ROBO1: variants seen among roughly 807,000 people sequenced by gnomAD.
ROBO1 encodes roundabout guidance receptor 1, also known as roundabout homolog 1.
In ROBO1, 149 loss-of-function variants were observed where a neutral mutation model predicts 195.9. That is an observed-to-expected ratio of 0.76 (90% confidence interval 0.67 to 0.87). ROBO1 has a LOEUF of 0.87. ROBO1 is among the 40% of genes least tolerant of loss of function. The pLI is 0.00. For missense variants in ROBO1, 1,933 were observed against 2,068.3 expected (o/e 0.93, Z 1.27); for synonymous variants, 816 against 733.2 (o/e 1.11, Z -1.82).
At chr3:79,700,949 A>G (rs1473351855) in intron 1 of ROBO1, among the ~76,000 whole-genome samples, 3 of 151,772 alleles carry the variant, frequency 2.0e-5, no homozygotes, top group Admixed American at 6.6e-5. Flanking sequence ...TAGGATTCTT[A>G]TAGTTAAGAT....
chr3:78,951,646 C>T (rs1016678020), intron 3 of ROBO1, among the ~76,000 whole-genome samples: 1 of 152,138 alleles, frequency 6.6e-6, no homozygotes, highest in Non-Finnish European at 1.5e-5. Flanking sequence ...TCACTTCAGG[C>T]AAGACCAGCA....
chr3:79,088,628 T>A (rs1377364978), intron 3 of ROBO1, among the ~76,000 whole-genome samples: 1 of 152,124 alleles, frequency 6.6e-6, no homozygotes, highest in Non-Finnish European at 1.5e-5. Context: ...AGGATCTTTC[T>A]TTCACCAACA....
chr3:78,693,797 T>C (rs2081228143), intron 8 of ROBO1, among the ~76,000 whole-genome samples: 1 of 152,148 alleles, frequency 6.6e-6, no homozygotes, highest in Non-Finnish European at 1.5e-5. Context: ...CCATCATCAG[T>C]TCAATTTTTG....
chr3:79,297,059 G>C (rs1426629627), intron 2 of ROBO1, among the ~76,000 whole-genome samples: 1 of 152,066 alleles, frequency 6.6e-6, no homozygotes, highest in African/African-American at 2.4e-5. Flanking sequence ...TTGTTTTAAT[G>C]TTTGTTTTTG....
chr3:78,994,618 C>A (rs189283619), intron 3 of ROBO1, among the ~76,000 whole-genome samples: 1 of 152,224 alleles, frequency 6.6e-6, no homozygotes, highest in East Asian at 1.9e-4. Flanking sequence ...TGTAGACCAA[C>A]CTAATTTTCA....
At chr3:79,766,239 A>G (rs887982764) in intron 1 of ROBO1, among the ~76,000 whole-genome samples, 19 of 152,044 alleles carry the variant, frequency 1.2e-4, no homozygotes, top group African/African-American at 4.3e-4. Context: ...ACCATTGACC[A>G]TAATTGCCCT....
chr3:79,023,728 G>C (rs1175283776), intron 3 of ROBO1, among the ~76,000 whole-genome samples: 1 of 109,760 alleles, frequency 9.1e-6, no homozygotes, highest in African/African-American at 3.6e-5. Flanking sequence ...TTTTGAGACA[G>C]AGTCTCACTC....
chr3:79,237,655 C>A (rs2082436617), intron 2 of ROBO1, among the ~76,000 whole-genome samples: 4 of 152,006 alleles, frequency 2.6e-5, no homozygotes, highest in Non-Finnish European at 5.9e-5. Flanking sequence ...CTCCGGCGGT[C>A]ACTCTATCCG....
At chr3:78,999,870 C>G (rs148019228) in intron 3 of ROBO1, among the ~76,000 whole-genome samples, 2 of 152,094 alleles carry the variant, frequency 1.3e-5, no homozygotes, top group Admixed American at 1.3e-4. Context: ...TGGGCAATCA[C>G]GCAAAACACA....
intron 3 of ROBO1, among the ~76,000 whole-genome samples, chr3:78,951,451 A>G (rs1319253118): frequency 6.6e-6 from 1 of 152,132 alleles, no homozygotes; most frequent in Non-Finnish European, 1.5e-5. Context: ...AATTGGCAGA[A>G]CCAACTTCCA....
At chr3:78,933,053 C>T (rs951922449) in intron 4 of ROBO1, among the ~76,000 whole-genome samples, 4 of 152,012 alleles carry the variant, frequency 2.6e-5, no homozygotes, top group Admixed American at 2.0e-4. Context: ...AAAGAAGAAG[C>T]TAACTAAACA....
In ROBO1 at chr3:78,598,350, A is replaced by T. The variant is rs894778268; in HGVS notation, c.*563T>A. On this transcript the variant is annotated 3_prime_UTR_variant, in exon 31 of 31. Transcript: ENST00000464233. ...TTTACAATGTTTCTACCCCATTCGA[A>T]TTGTTTGTGGTTCTGCATTTGCTAT... 1.3e-5 allele frequency: 2 copies of T among 152,468 alleles called. No homozygotes were observed. Among genetic ancestry groups the T allele is most frequent in the African/African-American group, 4.8e-5 (2 of 41,426 alleles). The allele number at this position is 152,468 out of a possible 1,614,324, so 9.4% of individuals were successfully genotyped here. A position where few individuals can be genotyped will look rare whatever the true frequency, so the allele number is the denominator to read the frequency against.
intron 2 of ROBO1, among the ~76,000 whole-genome samples, chr3:79,218,333 G>A (rs1480533490): frequency 1.3e-5 from 2 of 151,848 alleles, no homozygotes; most frequent in Admixed American, 6.6e-5. Context: ...TTGGCTTTAG[G>A]GAACATGTGC....
intron 2 of ROBO1, among the ~76,000 whole-genome samples, chr3:79,238,324 A>G (rs1311582104): frequency 1.3e-5 from 2 of 152,208 alleles, no homozygotes; most frequent in African/African-American, 2.4e-5. Context: ...TCCTGCCTCC[A>G]AAGTCCTGAA....
intron 14 of ROBO1, among the ~76,000 whole-genome samples, chr3:78,662,843 C>T (rs553731799): frequency 6.6e-6 from 1 of 152,108 alleles, no homozygotes; most frequent in African/African-American, 2.4e-5. Context: ...AGGAAGGAAA[C>T]TAAGAACACA....
At chr3:79,718,160 C>T (rs962994039) in intron 1 of ROBO1, among the ~76,000 whole-genome samples, 4 of 151,834 alleles carry the variant, frequency 2.6e-5, no homozygotes, top group Admixed American at 2.0e-4. Context: ...TATTACTAGT[C>T]CTAATTTATT....
intron 2 of ROBO1, among the ~76,000 whole-genome samples, chr3:79,521,434 AAGCT>A: frequency 6.6e-6 from 1 of 152,288 alleles, no homozygotes. Context: ...GTGGCAGAAT[AAGCT>A]AGGAGTTTCG....
chr3:79,560,834 G>A (rs1942891581), intron 2 of ROBO1, among the ~76,000 whole-genome samples: 2 of 151,982 alleles, frequency 1.3e-5, no homozygotes, highest in South Asian at 4.2e-4. Context: ...TTTAGCAAAG[G>A]AATATTAGCT....
At chr3:79,058,885 T>C (rs987223924) in intron 3 of ROBO1, among the ~76,000 whole-genome samples, 2 of 152,104 alleles carry the variant, frequency 1.3e-5, no homozygotes, top group East Asian at 3.9e-4. Flanking sequence ...GCTGTTATAA[T>C]GGGCCTAAAT....
Sources: allele counts gnomAD v4.1 joint callset (sites outside exome capture counted in the v4.1 genomes callset), GRCh38; gene constraint gnomAD v4.1.1; transcripts MANE v1.5; gene names NCBI Gene and HGNC (gene_info 2026-07-23, HGNC 2026-07-21).